The following CDK18 variants were observed in gnomAD, a reference collection of about 807,000 sequenced individuals.
The protein encoded by CDK18 is cyclin-dependent kinase 18.
Under a neutral mutation model 62.0 loss-of-function variants are expected in CDK18, and 52 were observed. That is an observed-to-expected ratio of 0.84 (90% CI 0.67 to 1.06). CDK18 has a LOEUF of 1.06. Ranked by LOEUF, CDK18 falls within the 50% of genes least tolerant of loss-of-function variation. The probability of loss-of-function intolerance (pLI) is 0.00; values close to 1 mark genes in which losing one functional copy is unlikely to be tolerated. For synonymous variants in CDK18, 237 were observed against 247.0 expected (o/e 0.96, Z 0.38); for missense variants, 604 against 619.9 (o/e 0.97, Z 0.27).
intron 3 of CDK18, chr1:205,523,850 T>G: frequency 1.5e-6 from 1 of 647,792 alleles, no homozygotes; most frequent in Non-Finnish European, 2.7e-6. Context: ...GCCAAGTGCT[T>G]AGAACATTCC....
At position 205,527,662 on chromosome 1, in the gene CDK18, T is replaced by C. The variant is rs1394411727; in HGVS notation, c.730-132T>C. 5 of 836,304 alleles carry C rather than the reference T, an allele frequency of 6.0e-6. No homozygotes were observed. The highest frequency in any genetic ancestry group is 1.7e-5 in the African/African-American group (1 of 58,554). The allele number at this position is 836,304 out of a possible 1,614,324, so 51.8% of individuals were successfully genotyped here. A position where few individuals can be genotyped will look rare whatever the true frequency, so the allele number is the denominator to read the frequency against. On this transcript the variant is annotated intron_variant, in intron 8 of 15. Transcript: ENST00000429964. The surrounding 1 kb of genome is among the most constrained non-coding windows in gnomAD (Gnocchi z 4.1). ...TGTGGGTGGGGTCCAGGATGGGGGC[T>C]GCAGGGTGTGCAGGAGAATGAGGGG... is the stretch of plus-strand genomic sequence containing the variant.
chr1:205,531,208 T>G, intron 15 of CDK18, 136 bp from the exon 16 acceptor site: 1 of 730,044 alleles, frequency 1.4e-6, no homozygotes, highest in Non-Finnish European at 2.4e-6. Flanking sequence ...TGACACCAGG[T>G]CAGACCGGCT....
chr1:205,530,591 C>A (rs113616156), intron 14 of CDK18, 37 bp from the exon 15 acceptor site: 6 of 1,576,318 alleles, frequency 3.8e-6, no homozygotes, highest in South Asian at 1.1e-5. Flanking sequence ...GCCAGCTCCA[C>A]GCAGCCCTCT....
intron 1 of CDK18, among the ~76,000 whole-genome samples, chr1:205,507,659 A>AAT (rs1667377951): frequency 6.9e-6 from 1 of 145,444 alleles, no homozygotes; most frequent in African/African-American, 2.6e-5. Context: ...AAAAAAAAAA[A>AAT]AAAATAATGC....
At chr1:205,529,853 A>G (rs1438057518) in intron 13 of CDK18, 10 of 1,344,712 alleles carry the variant, frequency 7.4e-6, no homozygotes, top group Non-Finnish European at 9.9e-6. Context: ...TACCTATTTT[A>G]TAAGATGGCC....
Position 205,527,667 on chromosome 1 carries a change from G to A in CDK18, c.730-127G>A. The A allele has an allele frequency of 1.2e-6, 1 of 859,812 alleles. No individual in the cohort carries two copies. Among genetic ancestry groups the A allele is most frequent in the Non-Finnish European group, 1.9e-6 (1 of 532,834 alleles). The allele number at this position is 859,812 out of a possible 1,614,324, so 53.3% of individuals were successfully genotyped here. On this transcript the variant is annotated intron_variant, in intron 8 of 15. Coordinates refer to ENST00000429964, the MANE Select transcript of CDK18 (RefSeq NM_212502.3). The surrounding 1 kb of genome is among the most constrained non-coding windows in gnomAD (Gnocchi z 4.1). The stretch of plus-strand genomic sequence containing the variant: ...GTGGGGTCCAGGATGGGGGCTGCAG[G>A]GTGTGCAGGAGAATGAGGGGCTTGT...
intron 4 of CDK18, 96 bp downstream of exon 4, chr1:205,524,453 AG>A (rs1668316286): frequency 1.4e-6 from 2 of 1,460,596 alleles, no homozygotes; most frequent in South Asian, 2.4e-5. Flanking sequence ...TGGGATTTCG[AG>A]GAAGATTCCT....
chr1:205,530,586 C>A, intron 14 of CDK18, 42 bp from the exon 15 acceptor site: 1 of 1,576,422 alleles, frequency 6.3e-7, no homozygotes, highest in Non-Finnish European at 8.7e-7. Context: ...TGGAGGCCAG[C>A]TCCACGCAGC....
intron 15 of CDK18, among the ~76,000 whole-genome samples, chr1:205,531,080 T>G (rs1454848532): frequency 1.2e-4 from 19 of 152,236 alleles, no homozygotes. Flanking sequence ...TCTTTAATCC[T>G]TAAAATACCC....
At chr1:205,522,392 A>G (rs1443332210) in intron 1 of CDK18, 2 of 151,204 alleles carry the variant, frequency 1.3e-5, no homozygotes, top group African/African-American at 4.9e-5. Context: ...CTAGGGCTCG[A>G]CTCTATTAAT....
At chr1:205,515,003 G>A (rs1161289092) in intron 1 of CDK18, among the ~76,000 whole-genome samples, 4 of 152,126 alleles carry the variant, frequency 2.6e-5, no homozygotes, top group Non-Finnish European at 5.9e-5. Flanking sequence ...TGATTGCAAA[G>A]CTGTGGGGTG....
intron 15 of CDK18, 130 bp from the exon 16 acceptor site, chr1:205,531,214 C>T (rs76069011): frequency 0.017 from 12,838 of 766,616 alleles, 270 homozygotes; most frequent in Middle Eastern, 0.07. Context: ...CAGGTCAGAC[C>T]GGCTCCTGTT....
At chr1:205,525,319 CATA>C in intron 5 of CDK18, 124 bp downstream of exon 5, 2 of 600,368 alleles carry the variant, frequency 3.3e-6, no homozygotes, top group Non-Finnish European at 6.0e-6. Flanking sequence ...GCCCCTGCCC[CATA>C]GAGGTGCACA....
At chr1:205,525,306 C>G in intron 5 of CDK18, 111 bp downstream of exon 5, 1 of 673,060 alleles carries the variant, frequency 1.5e-6, no homozygotes, top group Non-Finnish European at 2.6e-6. Flanking sequence ...TGGCCCTCTC[C>G]TGGCCCCTGC....
chr1:205,518,676 A>T (rs1667954748), intron 1 of CDK18, among the ~76,000 whole-genome samples: 1 of 152,154 alleles, frequency 6.6e-6, no homozygotes, highest in Non-Finnish European at 1.5e-5. Flanking sequence ...TGGGCAAGGG[A>T]TGGGGATGGA....
Position 205,523,588 on chromosome 1 carries a change from T to C in CDK18, c.236T>C (p.Phe79Ser). The change falls in exon 3 of 16, where the codon TTC becomes TCC. Residue 79 changes from phenylalanine (F) to serine (S), a missense_variant. Phe to Ser is a radical substitution (Grantham distance 155). Transcript: ENST00000429964. ...EPGQLSPGVQ[F>S]QRRQNQRRFS... ...GGGCAGCTCTCCCCTGGCGTGCAGT[T>C]CCAGCGGCGGCAGAACCAGCGCCGC... The C allele has an allele frequency of 6.3e-7, 1 of 1,589,496 alleles. No homozygotes were observed. Among genetic ancestry groups the C allele is most frequent in the Non-Finnish European group, 8.6e-7 (1 of 1,168,280 alleles).
At chr1:205,523,419 G>A in intron 2 of CDK18, 64 bp from the exon 3 acceptor site, 1 of 1,598,426 alleles carries the variant, frequency 6.3e-7, no homozygotes, top group Non-Finnish European at 8.5e-7. Context: ...TGGGGGAGGG[G>A]GGCTACCCTT....
chr1:205,509,015 G>A (rs1051805870), intron 1 of CDK18, among the ~76,000 whole-genome samples: 5 of 151,872 alleles, frequency 3.3e-5, no homozygotes, highest in Non-Finnish European at 1.5e-5. Flanking sequence ...TAGGCATGGT[G>A]GCGTGTGCCT....
At chr1:205,505,539 G>C (rs913638905) in intron 1 of CDK18, among the ~76,000 whole-genome samples, 2 of 152,214 alleles carry the variant, frequency 1.3e-5, no homozygotes, top group African/African-American at 4.8e-5. Context: ...GGGCCGGGGG[G>C]AGTGGGCGGT....
Sources: gnomAD v4.1 joint callset for allele counts (sites outside exome capture counted in the v4.1 genomes callset) on GRCh38, gnomAD v4.1.1 for gene constraint, Gnocchi (gnomAD v3.1) non-coding constraint, MANE v1.5 for transcripts, NCBI Gene and HGNC (gene_info 2026-07-23, HGNC 2026-07-21) for gene names.